GOLGA5: variants seen among roughly 807,000 people sequenced by gnomAD.
The protein encoded by GOLGA5 is golgin subfamily A member 5.
In GOLGA5, 50 loss-of-function variants were observed where a neutral mutation model predicts 93.5. The observed-to-expected ratio is 0.53, with a 90% CI of 0.43 to 0.68. The LOEUF is 0.68. GOLGA5 is among the 30% of genes least tolerant of loss of function. The pLI is 0.00. For missense variants in GOLGA5, 760 were observed against 856.4 expected, an observed-to-expected ratio of 0.89 and a Z score of 1.40; for synonymous variants, 312 against 304.5, an observed-to-expected ratio of 1.02 and a Z score of -0.26.
At chr14:92,803,903 A>G (rs1884927285) in intron 2 of GOLGA5, among the ~76,000 whole-genome samples, 1 of 152,258 alleles carries the variant, frequency 6.6e-6, no homozygotes, top group African/African-American at 2.4e-5. Context: ...AGTATTGTGC[A>G]ATTGATAGAT....
At chr14:92,816,127 T>A in intron 6 of GOLGA5, 124 bp from the exon 7 acceptor site, 1 of 647,090 alleles carries the variant, frequency 1.5e-6, no homozygotes, top group East Asian at 2.6e-5. Flanking sequence ...TAAGAAAATC[T>A]GTGGACTTTC....
intron 3 of GOLGA5, among the ~76,000 whole-genome samples, chr14:92,807,292 ACT>A (rs1291048850): frequency 3.4e-5 from 5 of 147,298 alleles, no homozygotes; most frequent in Non-Finnish European, 7.4e-5. Flanking sequence ...GCAGAGCAAG[ACT>A]CTATCTCAAA....
At chr14:92,816,522 G>GATTCT (rs1885209188) in intron 7 of GOLGA5, 101 bp downstream of exon 7, 1 of 720,384 alleles carries the variant, frequency 1.4e-6, no homozygotes, top group East Asian at 2.8e-5. Flanking sequence ...TAGGTTTCTC[G>GATTCT]CTTCTCTTCG....
Position 92,816,254 on chromosome 14 carries a change from A to G in GOLGA5, c.1324A>G (p.Lys442Glu), listed in dbSNP as rs1885201855. Residue 442 changes from lysine to glutamate, a missense_variant, in exon 7 of 13, where the codon AAG (lysine) becomes GAG (glutamate). Coordinates refer to ENST00000163416, the MANE Select transcript of GOLGA5 (RefSeq NM_005113.4). ...KQKATRILQSKEKLINSLKEG... is the reference protein window; with the variant it reads ...KQKATRILQSEEKLINSLKEG... ...CATATTTCTTCTTTTATAATAGTCT[A>G]AGGAAAAATTGATTAACAGCTTGAA... The G allele has an allele frequency of 1.9e-6, 3 of 1,606,586 alleles. No individual in the cohort carries two copies. The highest frequency in any genetic ancestry group is 1.3e-5 in the African/African-American group (1 of 74,738).
intron 9 of GOLGA5, among the ~76,000 whole-genome samples, chr14:92,827,707 T>C (rs1291329556): frequency 6.6e-6 from 1 of 152,220 alleles, no homozygotes; most frequent in Non-Finnish European, 1.5e-5. Flanking sequence ...CTAGGCCTAT[T>C]GGCACCAGTC....
chr14:92,817,744 T>C (rs1227159750), intron 7 of GOLGA5, among the ~76,000 whole-genome samples: 1 of 152,196 alleles, frequency 6.6e-6, no homozygotes, highest in East Asian at 1.9e-4. Flanking sequence ...GTTGTGAGAA[T>C]AGGATACCTT....
chr14:92,806,513 G>A (rs908857057), intron 2 of GOLGA5, among the ~76,000 whole-genome samples: 8 of 152,076 alleles, frequency 5.3e-5, no homozygotes, highest in Admixed American at 1.3e-4. Context: ...GGGTTTCACC[G>A]TGTTGGTCAG....
intron 4 of GOLGA5, 99 bp downstream of exon 4, chr14:92,809,618 G>A: frequency 5.4e-6 from 4 of 739,296 alleles, no homozygotes; most frequent in South Asian, 1.7e-5. Flanking sequence ...ATTTACAAGA[G>A]GGAATATTTC....
At position 92,806,721 on chromosome 14, in the gene GOLGA5, T is replaced by C; in HGVS notation, c.545-15T>C. On this transcript the variant is annotated splice_polypyrimidine_tract_variant and intron_variant, in intron 2 of 12. Coordinates refer to ENST00000163416, the MANE Select transcript of GOLGA5 (RefSeq NM_005113.4). ...AACACGCCAATGTAACAAAAACGTA[T>C]TCTTTTTTTTACAGAAGCTGCCAGT... 1 of 1,569,408 alleles carries C rather than the reference T, an allele frequency of 6.4e-7. No homozygotes were observed. The highest frequency in any genetic ancestry group is 2.2e-5 in the East Asian group (1 of 44,674).
At chr14:92,807,328 A>C (rs1001846456) in intron 3 of GOLGA5, among the ~76,000 whole-genome samples, 1 of 152,064 alleles carries the variant, frequency 6.6e-6, no homozygotes, top group Admixed American at 6.6e-5. Flanking sequence ...AAATAAAATA[A>C]AATAATAAAC....
Position 92,797,732 on chromosome 14 carries a change from G to A in GOLGA5, c.295G>A (p.Glu99Lys). The stretch of plus-strand genomic sequence containing the variant: ...ACCAGTAGAGGCCTCTCATCCTGTT[G>A]AAAATGCATCTGTTCCTAGGCCTTC... ...RTPVEASHPV[E>K]NASVPRPSSH... The change falls in exon 2 of 13, where the codon GAA (glutamate) becomes AAA (lysine). Residue 99 changes from glutamate (E) to lysine (K), a missense_variant. Physicochemically the swap from Glu to Lys is moderately conservative, Grantham distance 56. Coordinates refer to ENST00000163416, the MANE Select transcript of GOLGA5 (RefSeq NM_005113.4). 1 of 1,613,838 alleles carries A rather than the reference G, an allele frequency of 6.2e-7. No individual in the cohort carries two copies. Among genetic ancestry groups the A allele is most frequent in the Non-Finnish European group, 8.5e-7 (1 of 1,179,858 alleles).
Position 92,797,840 on chromosome 14 carries a change from A to G in GOLGA5, c.403A>G (p.Thr135Ala). The change falls in exon 2 of 13, where the codon ACC (threonine) becomes GCC (alanine). Residue 135 changes from threonine to alanine, a missense_variant. Transcript: ENST00000163416. ...TCTTAATAGTTCACAGAAGGAGCCT[A>G]CCGGGAGGGTGGAAATCAGAAAGGA... ...DFLNSSQKEP[T>A]GRVEIRKEKG... 6.2e-7 allele frequency: 1 copy of G among 1,614,092 alleles called. No homozygotes were observed. The highest frequency in any genetic ancestry group is 8.5e-7 in the Non-Finnish European group (1 of 1,179,964).
rs79085788 is a variant in GOLGA5, at chr14:92,816,610, A to G, written c.1491+189A>G. Among the ~76,000 whole-genome samples, 1,426 of 152,116 alleles carry G rather than the reference A, an allele frequency of 9.4e-3. 76 individuals are homozygous for G. In the East Asian group the frequency reaches 0.17, roughly 18 times the overall value. Reference sequence around the variant, plus strand: ...GAGTCAGGATCTTGCTCTGTCTCCCAGCCTGGAGTGGTGTGATCATAGCTC... The same window carrying G: ...GAGTCAGGATCTTGCTCTGTCTCCCGGCCTGGAGTGGTGTGATCATAGCTC... On this transcript the variant is annotated intron_variant, in intron 7 of 12. Coordinates refer to ENST00000163416, the MANE Select transcript of GOLGA5 (RefSeq NM_005113.4).
intron 7 of GOLGA5, among the ~76,000 whole-genome samples, chr14:92,818,119 A>G (rs974840186): frequency 6.6e-6 from 1 of 152,104 alleles, no homozygotes; most frequent in African/African-American, 2.4e-5. Flanking sequence ...TTTTGGTGAG[A>G]TTATGAAAAA....
At chr14:92,828,923 C>T (rs940478055) in intron 9 of GOLGA5, among the ~76,000 whole-genome samples, 9 of 152,130 alleles carry the variant, frequency 5.9e-5, no homozygotes, top group African/African-American at 1.9e-4. Flanking sequence ...CCTGCGTCAG[C>T]GTCCCAAGTG....
intron 3 of GOLGA5, among the ~76,000 whole-genome samples, chr14:92,807,913 C>T (rs757277493): frequency 2.6e-5 from 4 of 151,952 alleles, no homozygotes; most frequent in African/African-American, 4.8e-5. Context: ...ATGGATAGAG[C>T]CTAGAAGAGA....
At position 92,837,425 on chromosome 14, in the gene GOLGA5, G is replaced by A. The variant is rs761522355; in HGVS notation, c.2091G>A (p.Ala697=). ...TTTTTCTCCGAAGATACCCCATAGCGCGAGTTTTTGTAATTATATATATGG... is the reference window on the plus strand; with the variant it reads ...TTTTTCTCCGAAGATACCCCATAGCACGAGTTTTTGTAATTATATATATGG... ...LGIFLRRYPI[A]RVFVIIYMAL... The change falls in exon 12 of 13, where the codon GCG becomes GCA. Residue 697 remains alanine, a synonymous_variant. Coordinates refer to ENST00000163416, the MANE Select transcript of GOLGA5 (RefSeq NM_005113.4). 2.3e-5 allele frequency: 35 copies of A among 1,522,456 alleles called. No homozygotes were observed. The Admixed American group carries it at 2.7e-4, about 12-fold the overall frequency. 94.3% of individuals were successfully genotyped at this position (1,522,456 alleles called of 1,614,324 possible).
intron 9 of GOLGA5, 121 bp downstream of exon 9, chr14:92,824,765 CAA>C: frequency 1.7e-6 from 1 of 594,504 alleles, no homozygotes. Context: ...ACAGTGGTGA[CAA>C]AAGTTCTTTT....
At chr14:92,800,514 G>C (rs1026366198) in intron 2 of GOLGA5, among the ~76,000 whole-genome samples, 1 of 152,238 alleles carries the variant, frequency 6.6e-6, no homozygotes, top group Non-Finnish European at 1.5e-5. Flanking sequence ...TGTTTGTGAA[G>C]GCCCTTGTGT....
Sources: gnomAD v4.1 joint callset for allele counts (sites outside exome capture counted in the v4.1 genomes callset) on GRCh38, gnomAD v4.1.1 for gene constraint, MANE v1.5 for transcripts, NCBI Gene and HGNC (gene_info 2026-07-23, HGNC 2026-07-21) for gene names.